PRR5L: variants seen among roughly 807,000 people sequenced by gnomAD.
The protein encoded by PRR5L is proline rich 5 like.
In PRR5L, 21 loss-of-function variants were observed where a neutral mutation model predicts 36.4. That is an observed-to-expected ratio of 0.58 (90% CI 0.41 to 0.83). The LOEUF is 0.83. Among genes scored for constraint, PRR5L ranks in the 40% least tolerant of loss-of-function variants. The pLI, the probability that PRR5L is intolerant of heterozygous loss-of-function variation, is 0.00. For synonymous variants in PRR5L, 188 were observed against 197.0 expected, an observed-to-expected ratio of 0.95 and a Z score of 0.38; for missense variants, 381 against 473.3, an observed-to-expected ratio of 0.80 and a Z score of 1.81.
At chr11:36,410,198 G>T (rs1857995169) in intron 3 of PRR5L, among the ~76,000 whole-genome samples, 1 of 152,168 alleles carries the variant, frequency 6.6e-6, no homozygotes, top group Non-Finnish European at 1.5e-5. Flanking sequence ...CATGGGGTTG[G>T]CGCATGTGGT....
At chr11:36,428,102 C>A (rs1389676500) in intron 4 of PRR5L, among the ~76,000 whole-genome samples, 1 of 152,186 alleles carries the variant, frequency 6.6e-6, no homozygotes, top group Non-Finnish European at 1.5e-5. Flanking sequence ...TCCTGACTCT[C>A]CCTGTACCGG....
chr11:36,356,019 C>G (rs1030566912), intron 1 of PRR5L, among the ~76,000 whole-genome samples: 4 of 152,028 alleles, frequency 2.6e-5, no homozygotes, highest in Admixed American at 1.3e-4. Context: ...TCAAATGATC[C>G]TCCAGCCTCA....
intron 1 of PRR5L, among the ~76,000 whole-genome samples, chr11:36,309,232 TTTCTGACCTA>T (rs1856469217): frequency 6.6e-6 from 1 of 152,218 alleles, no homozygotes; most frequent in East Asian, 1.9e-4. Flanking sequence ...TATAAACTGT[TTTCTGACCTA>T]TTCTCACCAA....
intron 1 of PRR5L, among the ~76,000 whole-genome samples, chr11:36,318,698 G>T (rs1246148374): frequency 6.6e-6 from 1 of 152,168 alleles, no homozygotes; most frequent in Admixed American, 6.5e-5. Context: ...GAAAGGTTAG[G>T]TAGTGTAGGG....
chr11:36,414,656 G>T (rs1161265160), intron 3 of PRR5L, among the ~76,000 whole-genome samples: 1 of 143,792 alleles, frequency 7.0e-6, no homozygotes, highest in Non-Finnish European at 1.5e-5. Flanking sequence ...CTCCCATTTT[G>T]TAGGTTGCCT....
chr11:36,403,262 G>C (rs913109620), intron 2 of PRR5L, 36 bp from the exon 3 acceptor site: 1 of 1,589,734 alleles, frequency 6.3e-7, no homozygotes, highest in Admixed American at 1.7e-5. Flanking sequence ...CAAGAAGGGA[G>C]ATTCTCTAAC....
At chr11:36,332,642 T>G (rs1297363690) in intron 1 of PRR5L, among the ~76,000 whole-genome samples, 2 of 152,140 alleles carry the variant, frequency 1.3e-5, no homozygotes, top group Non-Finnish European at 2.9e-5. Context: ...GGTGTTTTGG[T>G]CATGGGAGTG....
In PRR5L at chr11:36,364,559, G is replaced by A. The variant is rs545945684; in HGVS notation, c.-125-36438G>A. ...TGAGCTTTGTAAAGTTCTTAGAATA[G>A]TGCCTGGTGCTTAGCTTAGTAAGTG... On this transcript the variant is annotated intron_variant, in intron 1 of 8. Transcript: ENST00000530639. 9.2e-5 allele frequency among the ~76,000 whole-genome samples: 14 copies of A among 152,296 alleles called. No homozygotes were observed. In the South Asian group the frequency reaches 2.1e-3, roughly 23 times the overall value.
chr11:36,302,631 C>T (rs1486177024), intron 1 of PRR5L, among the ~76,000 whole-genome samples: 3 of 151,934 alleles, frequency 2.0e-5, no homozygotes, highest in African/African-American at 7.3e-5. Context: ...ACTAAACATA[C>T]AAAAAATTAG....
At chr11:36,324,067 G>A (rs2133466383) in intron 1 of PRR5L, among the ~76,000 whole-genome samples, 1 of 152,198 alleles carries the variant, frequency 6.6e-6, no homozygotes, top group South Asian at 2.1e-4. Flanking sequence ...AAGAGAAATG[G>A]GTGTATATGT....
At chr11:36,321,986 C>A (rs1003246205) in intron 1 of PRR5L, among the ~76,000 whole-genome samples, 2 of 152,284 alleles carry the variant, frequency 1.3e-5, no homozygotes, top group Non-Finnish European at 1.5e-5. Flanking sequence ...TTTTTCAAAG[C>A]CTCTGTCTCC....
chr11:36,461,538 A>C (rs1590617639), intron 8 of PRR5L, among the ~76,000 whole-genome samples: 1 of 152,102 alleles, frequency 6.6e-6, no homozygotes, highest in Admixed American at 6.5e-5. Context: ...TGGGAGAATC[A>C]CTTGAACCTG....
At chr11:36,408,313 A>C (rs1857952320) in intron 3 of PRR5L, among the ~76,000 whole-genome samples, 2 of 151,902 alleles carry the variant, frequency 1.3e-5, no homozygotes, top group Non-Finnish European at 2.9e-5. Context: ...GAAACGTCTC[A>C]CCTCAATATA....
chr11:36,306,035 A>G (rs1465896513), intron 1 of PRR5L, among the ~76,000 whole-genome samples: 1 of 152,004 alleles, frequency 6.6e-6, no homozygotes, highest in Non-Finnish European at 1.5e-5. Context: ...TCTCCTTTCA[A>G]ATGACAGGAT....
chr11:36,339,857 G>T (rs921633300), intron 1 of PRR5L, among the ~76,000 whole-genome samples: 4 of 152,228 alleles, frequency 2.6e-5, no homozygotes, highest in African/African-American at 9.6e-5. Flanking sequence ...CTTGGGCTGG[G>T]ATGGCCTTGC....
Position 36,421,955 on chromosome 11 carries a change from T to A in PRR5L, c.294+2652T>A, listed in dbSNP as rs149886524. Among the ~76,000 whole-genome samples, 443 of 152,356 alleles carry A rather than the reference T, an allele frequency of 2.9e-3. 1 individual carries two copies. The highest frequency in any genetic ancestry group is 5.0e-3 in the Non-Finnish European group (339 of 68,028). On this transcript the variant is annotated intron_variant, in intron 4 of 8. Coordinates refer to ENST00000530639, the MANE Select transcript of PRR5L (RefSeq NM_001160167.2). ...TTAGGATTTCTTAACATTATTTTGT[T>A]GGCATTGAGTTGATCATTGAGTTCC... is the stretch of plus-strand genomic sequence containing the variant.
chr11:36,458,618 C>T (rs965467650), intron 8 of PRR5L, among the ~76,000 whole-genome samples: 3 of 152,206 alleles, frequency 2.0e-5, no homozygotes, highest in Admixed American at 6.5e-5. Context: ...GTGAGCTTTG[C>T]AGATGGATGT....
intron 8 of PRR5L, among the ~76,000 whole-genome samples, chr11:36,454,301 A>G (rs1190239077): frequency 6.6e-6 from 1 of 152,118 alleles, no homozygotes; most frequent in East Asian, 1.9e-4. Flanking sequence ...GTCTCTGGAT[A>G]CTAAGAAGCT....
intron 1 of PRR5L, among the ~76,000 whole-genome samples, chr11:36,397,443 C>CTTTTTTTTT: frequency 2.8e-5 from 1 of 35,106 alleles, no homozygotes; most frequent in Non-Finnish European, 4.9e-5. Context: ...CAGCCGATGC[C>CTTTTTTTTT]TTTTTTTTTT....
Sources: gnomAD v4.1 joint callset for allele counts (sites outside exome capture counted in the v4.1 genomes callset) on GRCh38, gnomAD v4.1.1 for gene constraint, MANE v1.5 for transcripts, NCBI Gene and HGNC (gene_info 2026-07-23, HGNC 2026-07-21) for gene names.